JAZF1: variants seen among roughly 807,000 people sequenced by gnomAD.
The protein encoded by JAZF1 is JAZF zinc finger 1, also known as juxtaposed with another zinc finger protein 1.
JAZF1 carries 8 observed loss-of-function variants against 26.4 expected under a neutral mutation model. The observed-to-expected ratio is 0.30, with a 90% CI of 0.18 to 0.55. The LOEUF (loss-of-function observed/expected upper bound fraction) is 0.55, where lower values mean the gene tolerates loss of function less well. JAZF1 is among the 20% of genes least tolerant of loss of function. JAZF1 has a pLI of 0.94. For missense variants in JAZF1, 199 were observed against 322.0 expected (o/e 0.62, Z 2.92); for synonymous variants, 126 against 122.3 (o/e 1.03, Z -0.20).
intron 1 of JAZF1, among the ~76,000 whole-genome samples, chr7:28,109,652 C>T (rs568308239): frequency 6.6e-6 from 1 of 152,304 alleles, no homozygotes; most frequent in Non-Finnish European, 1.5e-5. Flanking sequence ...AAGGTTTGTA[C>T]AAATTAACTA....
intron 3 of JAZF1, among the ~76,000 whole-genome samples, chr7:27,847,156 T>TC (rs1388964317): frequency 2.7e-5 from 2 of 73,642 alleles, no homozygotes; most frequent in East Asian, 3.9e-4. Flanking sequence ...TTTTTCTTTT[T>TC]TTTTTTTTTT....
At chr7:28,041,976 C>T (rs989643421) in intron 1 of JAZF1, among the ~76,000 whole-genome samples, 1 of 152,214 alleles carries the variant, frequency 6.6e-6, no homozygotes, top group African/African-American at 2.4e-5. Context: ...CCCTCAAACA[C>T]ATTCTCTGTA....
chr7:28,091,635 T>TAC (rs1017635287), intron 1 of JAZF1, among the ~76,000 whole-genome samples: 5 of 147,888 alleles, frequency 3.4e-5, no homozygotes, highest in Admixed American at 2.0e-4. Context: ...TATATATATA[T>TAC]ACACACACAC....
intron 1 of JAZF1, among the ~76,000 whole-genome samples, chr7:28,174,064 A>G (rs1022499117): frequency 1.1e-4 from 17 of 152,114 alleles, no homozygotes; most frequent in African/African-American, 4.1e-4. Context: ...ATTCTAAATA[A>G]ATAACATTTT....
intron 2 of JAZF1, among the ~76,000 whole-genome samples, chr7:27,964,368 G>A (rs562267579): frequency 4.6e-5 from 7 of 152,160 alleles, no homozygotes; most frequent in East Asian, 1.9e-4. Context: ...GGCATGTTTC[G>A]GTGAACTCTA....
At chr7:28,164,043 C>T (rs75689417) in intron 1 of JAZF1, among the ~76,000 whole-genome samples, 2,989 of 152,330 alleles carry the variant, frequency 0.02, 118 homozygotes, top group African/African-American at 0.068. Flanking sequence ...TGGCTTGACA[C>T]TTGAGCTCTA....
intron 2 of JAZF1, among the ~76,000 whole-genome samples, chr7:27,982,617 C>T (rs6943992): frequency 3.9e-5 from 6 of 152,126 alleles, no homozygotes; most frequent in Admixed American, 2.0e-4. Flanking sequence ...TCTCCCGGCA[C>T]GGAGTTTGAA....
chr7:27,942,690 A>G (rs1784866994), intron 2 of JAZF1, among the ~76,000 whole-genome samples: 1 of 152,220 alleles, frequency 6.6e-6, no homozygotes, highest in Non-Finnish European at 1.5e-5. Context: ...GGACACCACA[A>G]TACGTTTTAA....
In JAZF1 at chr7:28,079,810, G is replaced by A. The variant is rs73683973; in HGVS notation, c.116-87829C>T. Reference sequence around the variant, plus strand: ...AATAACCTTTATTGACTGCAGCATCGGTTTACGAACCCTGCTGATTGTTCA... The same window carrying A: ...AATAACCTTTATTGACTGCAGCATCAGTTTACGAACCCTGCTGATTGTTCA... On this transcript the variant is annotated intron_variant, in intron 1 of 4. Transcript: ENST00000283928. Among the ~76,000 whole-genome samples, 1,435 of 152,164 alleles carry A rather than the reference G, an allele frequency of 9.4e-3. 22 individuals carry two copies. Among genetic ancestry groups the A allele is most frequent in the African/African-American group, 0.031 (1,275 of 41,486 alleles).
chr7:28,066,602 CA>C (rs911062551), intron 1 of JAZF1, among the ~76,000 whole-genome samples: 1,582 of 31,764 alleles, frequency 0.05, 16 homozygotes, highest in African/African-American at 0.14. Flanking sequence ...GACTCCATCT[CA>C]AAAAAAAAAA....
At position 27,922,422 on chromosome 7, in the gene JAZF1, G is replaced by A. The variant is rs181191425; in HGVS notation, c.189-27006C>T. ...CACCACCATGTCTGGCTAATTTTTTGTATTTTAGTAGAGACGGGGTTTCAC... is the reference window on the plus strand; with the variant it reads ...CACCACCATGTCTGGCTAATTTTTTATATTTTAGTAGAGACGGGGTTTCAC... On this transcript the variant is annotated intron_variant, in intron 2 of 4. Transcript: ENST00000283928. Among the ~76,000 whole-genome samples the A allele has an allele frequency of 2.5e-3, 380 of 152,100 alleles. 2 individuals carry two copies. Among genetic ancestry groups the A allele is most frequent in the African/African-American group, 8.8e-3 (367 of 41,472 alleles).
chr7:28,139,031 T>C (rs1782925834), intron 1 of JAZF1, among the ~76,000 whole-genome samples: 2 of 152,196 alleles, frequency 1.3e-5, no homozygotes, highest in Admixed American at 1.3e-4. Flanking sequence ...ACTGCCCCAC[T>C]GCCCAGCACT....
intron 1 of JAZF1, among the ~76,000 whole-genome samples, chr7:28,083,679 T>G (rs1274761303): frequency 6.6e-6 from 1 of 152,088 alleles, no homozygotes; most frequent in East Asian, 1.9e-4. Flanking sequence ...CAATTAATGC[T>G]ACTGCTGCCT....
chr7:27,926,190 T>C (rs551075893), intron 2 of JAZF1, among the ~76,000 whole-genome samples: 1 of 152,298 alleles, frequency 6.6e-6, no homozygotes, highest in South Asian at 2.1e-4. Context: ...CTGGACACAG[T>C]ACTTGGGTTT....
In JAZF1 at chr7:27,833,143, G is replaced by A. The variant is rs554293458; in HGVS notation, c.556-167C>T. The A allele has an allele frequency of 9.2e-4, 444 of 480,702 alleles. 2 individuals are homozygous for A. The highest frequency in any genetic ancestry group is 2.2e-3 in the Middle Eastern group (4 of 1,818). 29.8% of individuals were successfully genotyped at this position (480,702 alleles called of 1,614,324 possible). On this transcript the variant is annotated intron_variant, in intron 4 of 4. Coordinates refer to ENST00000283928, the MANE Select transcript of JAZF1 (RefSeq NM_175061.4). ...CCTTCAAGGACATTCTGGTGTGTCG[G>A]TCATGGGCTGTACGGATGGTCACAC...
intron 1 of JAZF1, among the ~76,000 whole-genome samples, chr7:28,151,353 C>T (rs1326199491): frequency 6.6e-6 from 1 of 151,944 alleles, no homozygotes; most frequent in African/African-American, 2.4e-5. Flanking sequence ...GATCTGCCCG[C>T]CTTGGCCTCC....
chr7:28,078,379 G>A (rs149118226), intron 1 of JAZF1, among the ~76,000 whole-genome samples: 92 of 152,312 alleles, frequency 6.0e-4, no homozygotes, highest in African/African-American at 2.0e-3. Flanking sequence ...ACCATCATAT[G>A]TGCATGTGAA....
At chr7:28,134,008 T>C (rs1318149743) in intron 1 of JAZF1, among the ~76,000 whole-genome samples, 1 of 152,210 alleles carries the variant, frequency 6.6e-6, no homozygotes, top group Non-Finnish European at 1.5e-5. Flanking sequence ...TGTTTATTTA[T>C]TTATTCACTT....
chr7:28,071,265 A>G (rs1783970999), intron 1 of JAZF1, among the ~76,000 whole-genome samples: 1 of 152,230 alleles, frequency 6.6e-6, no homozygotes, highest in Non-Finnish European at 1.5e-5. Context: ...ACCTGCGTTC[A>G]TAACGTTATG....
Sources: gnomAD v4.1 joint callset for allele counts (sites outside exome capture counted in the v4.1 genomes callset) on GRCh38, gnomAD v4.1.1 for gene constraint, MANE v1.5 for transcripts, NCBI Gene and HGNC (gene_info 2026-07-23, HGNC 2026-07-21) for gene names.